Variants in SOX5 observed in about 807,000 individuals in gnomAD.
The protein encoded by SOX5 is transcription factor SOX-5.
A neutral mutation model predicts 92.0 loss-of-function variants in SOX5; 9 were observed. That is an observed-to-expected ratio of 0.10 (90% CI 0.06 to 0.17). The LOEUF is 0.17. Among genes scored for constraint, SOX5 ranks in the 10% least tolerant of loss-of-function variants. The pLI is 1.00. For missense variants in SOX5, 642 were observed against 944.5 expected (o/e 0.68, Z 4.20); for synonymous variants, 344 against 336.3 (o/e 1.02, Z -0.25).
At chr12:24,497,677 G>A (rs1947783912) in intron 1 of SOX5, among the ~76,000 whole-genome samples, 1 of 152,114 alleles carries the variant, frequency 6.6e-6, no homozygotes, top group South Asian at 2.1e-4. Context: ...AATACCACTT[G>A]ACCCAGCAAT....
chr12:24,355,301 T>TAA (rs1954688679), intron 2 of SOX5, among the ~76,000 whole-genome samples: 1 of 63,758 alleles, frequency 1.6e-5, no homozygotes, highest in African/African-American at 4.2e-5. Context: ...TTTTTTTTTT[T>TAA]TTTTTTTTTT....
At chr12:23,972,860 C>T (rs1948499052) in intron 4 of SOX5, among the ~76,000 whole-genome samples, 2 of 151,990 alleles carry the variant, frequency 1.3e-5, no homozygotes, top group South Asian at 4.1e-4. Flanking sequence ...TTATAATATA[C>T]AACACATTAT....
chr12:24,181,167 G>A (rs1034853098), intron 4 of SOX5, among the ~76,000 whole-genome samples: 7 of 152,144 alleles, frequency 4.6e-5, no homozygotes, highest in Admixed American at 1.3e-4. Context: ...AAGGCTTACT[G>A]GGGATTTTCA....
At chr12:24,376,219 T>C (rs1185189755) in intron 1 of SOX5, among the ~76,000 whole-genome samples, 1 of 152,210 alleles carries the variant, frequency 6.6e-6, no homozygotes, top group Non-Finnish European at 1.5e-5. Flanking sequence ...AACTTTTGCA[T>C]TTTTTATCTA....
At chr12:24,074,499 G>C (rs549805374) in intron 4 of SOX5, among the ~76,000 whole-genome samples, 81 of 151,670 alleles carry the variant, frequency 5.3e-4, no homozygotes, top group African/African-American at 1.9e-3. Flanking sequence ...TTAATGACAA[G>C]AGTAGTGACA....
intron 1 of SOX5, among the ~76,000 whole-genome samples, chr12:24,410,250 G>A (rs530435550): frequency 1.2e-4 from 18 of 152,088 alleles, no homozygotes; most frequent in South Asian, 2.1e-4. Context: ...CGCTTGCCTC[G>A]GCCTCCCAAA....
At chr12:23,656,306 A>T (rs1385316967) in intron 7 of SOX5, among the ~76,000 whole-genome samples, 4 of 152,092 alleles carry the variant, frequency 2.6e-5, no homozygotes, top group Non-Finnish European at 5.9e-5. Context: ...TAAATTCTCC[A>T]TTAACAAACT....
chr12:24,288,492 G>C (rs1330225517), intron 2 of SOX5, among the ~76,000 whole-genome samples: 2 of 152,228 alleles, frequency 1.3e-5, no homozygotes, highest in East Asian at 1.9e-4. Flanking sequence ...TTTGCTGTTT[G>C]ACAATGCATT....
At chr12:23,813,432 G>A (rs2095916315) in intron 3 of SOX5, among the ~76,000 whole-genome samples, 1 of 152,068 alleles carries the variant, frequency 6.6e-6, no homozygotes, top group African/African-American at 2.4e-5. Flanking sequence ...AAAAAGGAGG[G>A]TGCAGATGCA....
intron 5 of SOX5, among the ~76,000 whole-genome samples, chr12:23,736,752 G>A (rs1054532298): frequency 1.8e-4 from 26 of 148,502 alleles, no homozygotes; most frequent in Admixed American, 1.1e-3. Context: ...GTGCAATGGC[G>A]CGATCTCAGC....
intron 1 of SOX5, among the ~76,000 whole-genome samples, chr12:24,463,926 T>C (rs1943929165): frequency 6.6e-6 from 1 of 152,216 alleles, no homozygotes; most frequent in African/African-American, 2.4e-5. Context: ...TGAAGACTTC[T>C]CTTTGAATTG....
intron 3 of SOX5, among the ~76,000 whole-genome samples, chr12:23,841,455 A>G (rs188915001): frequency 5.9e-5 from 9 of 152,218 alleles, no homozygotes; most frequent in East Asian, 3.9e-4. Context: ...ACATTCCCCA[A>G]TTGGGTTGAA....
At chr12:23,696,341 C>T (rs1034413004) in intron 6 of SOX5, among the ~76,000 whole-genome samples, 2 of 152,018 alleles carry the variant, frequency 1.3e-5, no homozygotes, top group African/African-American at 2.4e-5. Context: ...TCTCCTTGAG[C>T]GAGCTTTGGT....
chr12:24,318,343 T>G (rs1278740958), intron 2 of SOX5, among the ~76,000 whole-genome samples: 1 of 152,214 alleles, frequency 6.6e-6, no homozygotes, highest in Non-Finnish European at 1.5e-5. Context: ...GTAGGATGCA[T>G]GCCTTTCCTG....
intron 4 of SOX5, among the ~76,000 whole-genome samples, chr12:24,085,001 ACAT>A (rs1943797708): frequency 6.6e-6 from 1 of 152,090 alleles, no homozygotes; most frequent in Admixed American, 6.6e-5. Context: ...AGTGTTGTTA[ACAT>A]CATACTCTCA....
intron 4 of SOX5, among the ~76,000 whole-genome samples, chr12:24,045,162 T>C (rs1415291739): frequency 6.6e-6 from 1 of 152,102 alleles, no homozygotes; most frequent in Admixed American, 6.6e-5. Context: ...ACTGCTTGGG[T>C]TCAGATCAAG....
chr12:23,651,741 C>T (rs1053815068), intron 7 of SOX5, among the ~76,000 whole-genome samples: 4 of 151,704 alleles, frequency 2.6e-5, no homozygotes, highest in South Asian at 2.1e-4. Context: ...AGAAAAGATG[C>T]GAGAAGCCTA....
intron 4 of SOX5, among the ~76,000 whole-genome samples, chr12:24,198,443 T>A (rs1957211137): frequency 6.6e-6 from 1 of 152,214 alleles, no homozygotes; most frequent in African/African-American, 2.4e-5. Flanking sequence ...TTTGTGGGTA[T>A]GCTTCTATCT....
intron 4 of SOX5, among the ~76,000 whole-genome samples, chr12:23,972,532 T>C (rs1196153426): frequency 6.6e-6 from 1 of 151,858 alleles, no homozygotes; most frequent in African/African-American, 2.4e-5. Flanking sequence ...TAATTTTTTG[T>C]ATTTTCAGTA....
Sources: allele counts gnomAD v4.1 joint callset (sites outside exome capture counted in the v4.1 genomes callset), GRCh38; gene constraint gnomAD v4.1.1; transcripts MANE v1.5; gene names NCBI Gene and HGNC (gene_info 2026-07-23, HGNC 2026-07-21).